ZNF804B: variants seen among roughly 807,000 people sequenced by gnomAD.
ZNF804B encodes zinc finger 804B.
In ZNF804B, 80 loss-of-function variants were observed where a neutral mutation model predicts 101.4. The ratio of observed to expected loss-of-function variants is 0.79; its 90% CI spans 0.66 to 0.95. The LOEUF is 0.95. Ranked by LOEUF, ZNF804B falls within the 40% of genes least tolerant of loss-of-function variation. The pLI is 0.00. For synonymous variants in ZNF804B, 622 were observed against 558.8 expected (o/e 1.11, Z -1.59); for missense variants, 1,673 against 1,561.9 (o/e 1.07, Z -1.20).
chr7:88,943,684 A>G (rs1793087411), intron 1 of ZNF804B, among the ~76,000 whole-genome samples: 1 of 151,844 alleles, frequency 6.6e-6, no homozygotes, highest in Admixed American at 6.6e-5. Flanking sequence ...CACTACAATG[A>G]AGATATGCAA....
intron 1 of ZNF804B, among the ~76,000 whole-genome samples, chr7:89,137,372 G>A (rs147696397): frequency 5.5e-4 from 84 of 152,182 alleles, no homozygotes; most frequent in Admixed American, 1.2e-3. Context: ...GAATGGCTTT[G>A]GCGAAAATTC....
intron 1 of ZNF804B, among the ~76,000 whole-genome samples, chr7:89,089,057 C>CTTTTTTTTTT (rs543879583): frequency 7.8e-6 from 1 of 128,098 alleles, no homozygotes; most frequent in Non-Finnish European, 1.7e-5. Flanking sequence ...CTTTTTTTTT[C>CTTTTTTTTTT]TTTTTTTTTT....
At chr7:89,220,972 T>G (rs1238280705) in intron 2 of ZNF804B, among the ~76,000 whole-genome samples, 2 of 151,938 alleles carry the variant, frequency 1.3e-5, no homozygotes, top group Non-Finnish European at 2.9e-5. Flanking sequence ...TTTGGCCAAA[T>G]TCAGACATAT....
chr7:89,285,381 G>A (rs1790168833), intron 2 of ZNF804B, among the ~76,000 whole-genome samples: 1 of 151,408 alleles, frequency 6.6e-6, no homozygotes, highest in Non-Finnish European at 1.5e-5. Flanking sequence ...AAATTAGCTG[G>A]GCATGGTGGC....
intron 1 of ZNF804B, among the ~76,000 whole-genome samples, chr7:88,882,848 G>T (rs1468945203): frequency 1.3e-5 from 2 of 151,852 alleles, no homozygotes; most frequent in African/African-American, 4.8e-5. Flanking sequence ...GATACTGGGG[G>T]GACTATTACA....
intron 1 of ZNF804B, among the ~76,000 whole-genome samples, chr7:89,175,957 G>C (rs1384701517): frequency 1.3e-5 from 2 of 151,768 alleles, no homozygotes; most frequent in East Asian, 3.9e-4. Flanking sequence ...AATAGTTTCT[G>C]GTAGATTACT....
At chr7:88,948,625 G>A (rs897424835) in intron 1 of ZNF804B, among the ~76,000 whole-genome samples, 1 of 151,802 alleles carries the variant, frequency 6.6e-6, no homozygotes, top group Non-Finnish European at 1.5e-5. Flanking sequence ...CATCTGATAA[G>A]AGCCCTGCCT....
intron 1 of ZNF804B, among the ~76,000 whole-genome samples, chr7:89,019,291 G>A (rs1271821266): frequency 6.6e-6 from 1 of 151,898 alleles, no homozygotes; most frequent in African/African-American, 2.4e-5. Context: ...CATATTTTCA[G>A]ATATTCCTCT....
At chr7:89,114,912 A>C (rs1350477210) in intron 1 of ZNF804B, among the ~76,000 whole-genome samples, 1 of 152,178 alleles carries the variant, frequency 6.6e-6, no homozygotes, top group African/African-American at 2.4e-5. Context: ...GCAAAAAACA[A>C]AAACAAAAAC....
chr7:89,112,605 T>A (rs1790235869), intron 1 of ZNF804B, among the ~76,000 whole-genome samples: 1 of 152,178 alleles, frequency 6.6e-6, no homozygotes, highest in Admixed American at 6.5e-5. Context: ...TATTTTGGGA[T>A]TTTTGCCTTT....
At chr7:89,166,870 G>A (rs186601676) in intron 1 of ZNF804B, among the ~76,000 whole-genome samples, 7 of 152,270 alleles carry the variant, frequency 4.6e-5, no homozygotes, top group East Asian at 1.9e-4. Flanking sequence ...ACAGCAGTAT[G>A]TACGTACCAC....
At chr7:89,259,245 A>G (rs550657483) in intron 2 of ZNF804B, among the ~76,000 whole-genome samples, 1 of 152,212 alleles carries the variant, frequency 6.6e-6, no homozygotes, top group Non-Finnish European at 1.5e-5. Context: ...TGTGGTGTCT[A>G]TTGGCTCTAC....
intron 1 of ZNF804B, among the ~76,000 whole-genome samples, chr7:89,000,335 TATA>T (rs1482212632): frequency 3.9e-5 from 6 of 152,002 alleles, no homozygotes; most frequent in Admixed American, 3.9e-4. Context: ...CTGATTCACA[TATA>T]ATCTGCAGCA....
chr7:89,259,582 T>C (rs972583967), intron 2 of ZNF804B, among the ~76,000 whole-genome samples: 1 of 152,188 alleles, frequency 6.6e-6, no homozygotes, highest in Non-Finnish European at 1.5e-5. Flanking sequence ...TAGAATGCCA[T>C]GTGTAATGAG....
chr7:88,859,661 T>G (rs1036231894), intron 1 of ZNF804B, among the ~76,000 whole-genome samples: 2 of 151,954 alleles, frequency 1.3e-5, no homozygotes, highest in African/African-American at 4.8e-5. Context: ...ATCAGGCCCA[T>G]TAGGACAGAA....
chr7:89,171,964 T>A (rs1489074756), intron 1 of ZNF804B, among the ~76,000 whole-genome samples: 1 of 151,880 alleles, frequency 6.6e-6, no homozygotes, highest in Non-Finnish European at 1.5e-5. Flanking sequence ...AAGGATCTAT[T>A]TGAAATATAG....
intron 1 of ZNF804B, among the ~76,000 whole-genome samples, chr7:88,978,163 T>A (rs1793643307): frequency 6.6e-6 from 1 of 151,836 alleles, no homozygotes; most frequent in Non-Finnish European, 1.5e-5. Context: ...GGCATATCTT[T>A]GAGAATGATT....
rs186316331 is a variant in ZNF804B, at chr7:88,843,564, C to T, written c.108+83480C>T. Among the ~76,000 whole-genome samples the T allele has an allele frequency of 3.1e-3, 474 of 152,028 alleles. 2 individuals are homozygous for T. The highest frequency in any genetic ancestry group is 4.7e-3 in the Non-Finnish European group (318 of 67,958). On this transcript the variant is annotated intron_variant, in intron 1 of 3. Transcript: ENST00000333190. ...CATCCTGGCTAACACGGTCAAACCCCGTCTCTACTAAAAATACAAAAAATT... is the reference window on the plus strand; with the variant it reads ...CATCCTGGCTAACACGGTCAAACCCTGTCTCTACTAAAAATACAAAAAATT...
At chr7:89,196,846 G>A (rs573552834) in intron 1 of ZNF804B, among the ~76,000 whole-genome samples, 2 of 151,872 alleles carry the variant, frequency 1.3e-5, no homozygotes, top group East Asian at 1.9e-4. Context: ...ACATATGTAC[G>A]ATCAACAAAC....
Sources: gnomAD v4.1 joint callset for allele counts (sites outside exome capture counted in the v4.1 genomes callset) on GRCh38, gnomAD v4.1.1 for gene constraint, MANE v1.5 for transcripts, NCBI Gene and HGNC (gene_info 2026-07-23, HGNC 2026-07-21) for gene names.